RAMP1: variants seen among roughly 807,000 people sequenced by gnomAD.
The protein encoded by RAMP1 is receptor activity-modifying protein 1.
Under a neutral mutation model 8.2 loss-of-function variants are expected in RAMP1, and 7 were observed. The observed-to-expected ratio is 0.85, with a 90% CI of 0.49 to 1.60. The LOEUF is 1.60. Ranked by LOEUF, RAMP1 falls within the 40% of genes most tolerant of loss-of-function variation. The pLI, the probability that RAMP1 is intolerant of heterozygous loss-of-function variation, is 0.00. For synonymous variants in RAMP1, 92 were observed against 84.7 expected, an observed-to-expected ratio of 1.09 and a Z score of -0.47; for missense variants, 192 against 202.4, an observed-to-expected ratio of 0.95 and a Z score of 0.31.
intron 1 of RAMP1, among the ~76,000 whole-genome samples, chr2:237,875,001 G>A (rs913762097): frequency 3.9e-5 from 6 of 152,106 alleles, no homozygotes; most frequent in East Asian, 1.9e-4. Flanking sequence ...AGTGGGGGGC[G>A]GGATGCCAGG....
intron 2 of RAMP1, among the ~76,000 whole-genome samples, chr2:237,889,994 G>T (rs1390419694): frequency 6.6e-6 from 1 of 152,206 alleles, no homozygotes; most frequent in East Asian, 1.9e-4. Flanking sequence ...GCCAAGTGGG[G>T]CCCGCCTGCA....
At chr2:237,864,549 C>T (rs532635248) in intron 1 of RAMP1, among the ~76,000 whole-genome samples, 69 of 152,286 alleles carry the variant, frequency 4.5e-4, no homozygotes, top group African/African-American at 1.6e-3. Flanking sequence ...CTGGAAACAC[C>T]CATCTGCCAC....
chr2:237,875,336 G>A (rs1045995149), intron 1 of RAMP1, among the ~76,000 whole-genome samples: 5 of 152,024 alleles, frequency 3.3e-5, no homozygotes, highest in Non-Finnish European at 7.4e-5. Context: ...TGTGCTGTCG[G>A]GAAGCAGCAT....
chr2:237,910,536 G>C (rs2062700704), intron 2 of RAMP1, among the ~76,000 whole-genome samples: 1 of 150,016 alleles, frequency 6.7e-6, no homozygotes, highest in Non-Finnish European at 1.5e-5. Flanking sequence ...CACACACACA[G>C]TAACACACAG....
At chr2:237,874,638 A>G in intron 1 of RAMP1, 1 of 983,586 alleles carries the variant, frequency 1.0e-6, no homozygotes, top group Non-Finnish European at 1.2e-6. Flanking sequence ...CAATCTTTCC[A>G]CTCCAGGCAG....
At chr2:237,864,529 A>G (rs1223667633) in intron 1 of RAMP1, among the ~76,000 whole-genome samples, 1 of 152,094 alleles carries the variant, frequency 6.6e-6, no homozygotes, top group Admixed American at 6.5e-5. Context: ...AAAGCGCTGC[A>G]CCGTTTCTCC....
intron 2 of RAMP1, among the ~76,000 whole-genome samples, chr2:237,895,706 G>C (rs557311384): frequency 7.6e-6 from 1 of 132,018 alleles, no homozygotes; most frequent in African/African-American, 2.9e-5. Flanking sequence ...TTCTTGTACA[G>C]AGAGGGTGAG....
intron 2 of RAMP1, among the ~76,000 whole-genome samples, chr2:237,887,022 A>G (rs1187519313): frequency 2.0e-5 from 3 of 147,902 alleles, no homozygotes; most frequent in Non-Finnish European, 4.5e-5. Flanking sequence ...CCTGGGACAC[A>G]GGCCAGTTTG....
At chr2:237,879,416 G>A (rs905228097) in intron 2 of RAMP1, among the ~76,000 whole-genome samples, 2 of 151,846 alleles carry the variant, frequency 1.3e-5, no homozygotes, top group Non-Finnish European at 1.5e-5. Context: ...GAGAGAGTTC[G>A]CCATCCTCGG....
intron 2 of RAMP1, among the ~76,000 whole-genome samples, chr2:237,880,768 C>G (rs896244283): frequency 6.6e-6 from 1 of 152,182 alleles, no homozygotes; most frequent in African/African-American, 2.4e-5. Flanking sequence ...AGGCCCCACC[C>G]CCAGCATCAA....
chr2:237,861,902 T>C (rs2062136284), intron 1 of RAMP1, among the ~76,000 whole-genome samples: 1 of 151,896 alleles, frequency 6.6e-6, no homozygotes, highest in Non-Finnish European at 1.5e-5. Context: ...CCTCTGAGCA[T>C]CCTGTGTACT....
Position 237,865,556 on chromosome 2 carries a change from C to T in RAMP1, c.52+5829C>T, listed in dbSNP as rs1360237135. Among the ~76,000 whole-genome samples, 1 of 152,204 alleles carries T rather than the reference C, an allele frequency of 6.6e-6. No homozygotes were observed. Among genetic ancestry groups the T allele is most frequent in the Admixed American group, 6.5e-5 (1 of 15,292 alleles). The stretch of plus-strand genomic sequence containing the variant: ...GCCTCCTGTCATTTGCTGCACCTGG[C>T]AGCCCCGTCCTCAGCAGCCACATGG... On this transcript the variant is annotated intron_variant, in intron 1 of 2. Coordinates refer to ENST00000254661, the MANE Select transcript of RAMP1 (RefSeq NM_005855.4). The surrounding 1 kb of genome is among the most constrained non-coding windows in gnomAD (Gnocchi z 4.2).
intron 2 of RAMP1, among the ~76,000 whole-genome samples, chr2:237,906,621 C>G (rs1395356389): frequency 6.6e-6 from 1 of 151,642 alleles, no homozygotes; most frequent in Non-Finnish European, 1.5e-5. Context: ...TCTTTCTTAT[C>G]ACTGAAGAAC....
At chr2:237,869,592 A>G (rs1430048407) in intron 1 of RAMP1, among the ~76,000 whole-genome samples, 1 of 152,202 alleles carries the variant, frequency 6.6e-6, no homozygotes. Flanking sequence ...GTGAATCAGA[A>G]TTTCCTTCCT....
At chr2:237,872,970 C>T (rs1044176021) in intron 1 of RAMP1, among the ~76,000 whole-genome samples, 3 of 152,208 alleles carry the variant, frequency 2.0e-5, no homozygotes, top group African/African-American at 7.2e-5. Context: ...CTGCAGTAAG[C>T]CATGATTGTG....
intron 1 of RAMP1, among the ~76,000 whole-genome samples, chr2:237,860,878 A>G (rs541646852): frequency 1.2e-4 from 18 of 152,258 alleles, no homozygotes; most frequent in African/African-American, 4.1e-4. Flanking sequence ...AAACCTCTCC[A>G]AGGGGTGGCA....
intron 1 of RAMP1, among the ~76,000 whole-genome samples, chr2:237,873,531 A>G (rs573046570): frequency 6.6e-6 from 1 of 152,256 alleles, no homozygotes; most frequent in East Asian, 1.9e-4. Context: ...TGGAGAAGGA[A>G]GCCGTTGCTC....
Position 237,877,231 on chromosome 2 carries a change from C to T in RAMP1, c.60C>T (p.His20=), listed in dbSNP as rs757218127. ...RRGLWLLLAH[H]LFMTTACQEA... The stretch of plus-strand genomic sequence containing the variant: ...TGGCCGTGTCTATTTCAGCCCATCA[C>T]CTCTTCATGACCACTGCCTGCCAGG... Residue 20 remains histidine, a synonymous_variant, in exon 2 of 3, where the codon CAC becomes CAT. Coordinates refer to ENST00000254661, the MANE Select transcript of RAMP1 (RefSeq NM_005855.4). The surrounding 1 kb of genome is among the most constrained non-coding windows in gnomAD (Gnocchi z 4.4). 6.2e-7 allele frequency: 1 copy of T among 1,613,994 alleles called. No homozygotes were observed. Among genetic ancestry groups the T allele is most frequent in the Non-Finnish European group, 8.5e-7 (1 of 1,180,024 alleles).
At chr2:237,886,580 T>C (rs753710788) in intron 2 of RAMP1, among the ~76,000 whole-genome samples, 24 of 152,118 alleles carry the variant, frequency 1.6e-4, no homozygotes, top group Non-Finnish European at 2.8e-4. Context: ...AGCGGGCGAC[T>C]GCTGGCCTCA....
Sources: gnomAD v4.1 joint callset for allele counts (sites outside exome capture counted in the v4.1 genomes callset) on GRCh38, gnomAD v4.1.1 for gene constraint, Gnocchi (gnomAD v3.1) non-coding constraint, MANE v1.5 for transcripts, NCBI Gene and HGNC (gene_info 2026-07-23, HGNC 2026-07-21) for gene names.